PPP1R21: variants seen among roughly 807,000 people sequenced by gnomAD.
PPP1R21 encodes protein phosphatase 1 regulatory subunit 21.
A neutral mutation model predicts 112.8 loss-of-function variants in PPP1R21; 85 were observed. That is an observed-to-expected ratio of 0.75 (90% CI 0.63 to 0.90). The LOEUF is 0.90. PPP1R21 is among the 40% of genes least tolerant of loss of function. The probability of loss-of-function intolerance (pLI) is 0.00; values close to 1 mark genes in which losing one functional copy is unlikely to be tolerated. For missense variants in PPP1R21, 1,199 were observed against 901.5 expected, an observed-to-expected ratio of 1.33 and a Z score of -4.23; for synonymous variants, 381 against 322.3, an observed-to-expected ratio of 1.18 and a Z score of -1.95.
chr2:48,454,937 C>G (rs150777956), intron 3 of PPP1R21, among the ~76,000 whole-genome samples, 196 bp downstream of exon 3: 1,883 of 152,148 alleles, frequency 0.012, 31 homozygotes, highest in African/African-American at 0.041. Context: ...CTCCCAGGCT[C>G]AGTGATCCTC....
At chr2:48,491,627 G>A (rs927613673) in intron 15 of PPP1R21, among the ~76,000 whole-genome samples, 1 of 152,000 alleles carries the variant, frequency 6.6e-6, no homozygotes, top group Non-Finnish European at 1.5e-5. Context: ...CCCAAATGTA[G>A]CTATAATTGA....
intron 21 of PPP1R21, among the ~76,000 whole-genome samples, chr2:48,512,393 A>G (rs1401693993): frequency 6.8e-6 from 1 of 147,412 alleles, no homozygotes; most frequent in Non-Finnish European, 1.5e-5. Context: ...GTCCATTTTC[A>G]TAACTCAGTA....
intron 3 of PPP1R21, 180 bp from the exon 4 acceptor site, chr2:48,457,946 G>T: frequency 5.3e-6 from 3 of 570,532 alleles, no homozygotes; most frequent in East Asian, 3.9e-5. Flanking sequence ...AATATTTGCA[G>T]TTTCAACTTG....
intron 6 of PPP1R21, 145 bp downstream of exon 6, chr2:48,460,298 G>T: frequency 1.3e-6 from 1 of 754,056 alleles, no homozygotes; most frequent in Non-Finnish European, 2.1e-6. Context: ...TCAATTCTGG[G>T]ATCTCCGGGG....
chr2:48,451,784 C>G (rs1488064516), intron 2 of PPP1R21, among the ~76,000 whole-genome samples: 1 of 152,018 alleles, frequency 6.6e-6, no homozygotes, highest in African/African-American at 2.4e-5. Context: ...CTTGCTCCCT[C>G]TGCTCTCTTT....
At chr2:48,475,409 A>C (rs1248658219) in intron 12 of PPP1R21, among the ~76,000 whole-genome samples, 1 of 152,186 alleles carries the variant, frequency 6.6e-6, no homozygotes, top group Admixed American at 6.5e-5. Flanking sequence ...AGCATGCATT[A>C]AATATTAATT....
chr2:48,454,369 T>TA (rs1297944253), intron 2 of PPP1R21, among the ~76,000 whole-genome samples: 4 of 152,242 alleles, frequency 2.6e-5, no homozygotes, highest in African/African-American at 7.2e-5. Flanking sequence ...CACGATCTGT[T>TA]ACTTTAGTAT....
intron 10 of PPP1R21, 41 bp downstream of exon 10, chr2:48,471,229 C>G (rs940049858): frequency 1.2e-6 from 2 of 1,605,264 alleles, no homozygotes; most frequent in African/African-American, 2.7e-5. Flanking sequence ...ACTGGGAGCT[C>G]CTCTTTGTCC....
intron 13 of PPP1R21, among the ~76,000 whole-genome samples, chr2:48,483,099 C>T (rs1460134440): frequency 6.6e-6 from 1 of 151,770 alleles, no homozygotes; most frequent in African/African-American, 2.4e-5. Context: ...ATCCATGTAC[C>T]TGCAAAGGAC....
At chr2:48,463,556 A>C (rs1040990548) in intron 7 of PPP1R21, among the ~76,000 whole-genome samples, 1 of 152,104 alleles carries the variant, frequency 6.6e-6, no homozygotes, top group Non-Finnish European at 1.5e-5. Flanking sequence ...AAGGAAATGG[A>C]GAAGCATGAG....
In PPP1R21 at chr2:48,510,078, A is replaced by G. The variant is rs1292392158; in HGVS notation, c.2149A>G (p.Met717Val). The part of the protein sequence containing the change: ...EKSKEALTEE[M>V]KLASQNISRL... ...GTCTAAGGAAGCATTGACAGAAGAAATGAAACTTGCCAGTCAGAACATCAG... is the reference window on the plus strand; with the variant it reads ...GTCTAAGGAAGCATTGACAGAAGAAGTGAAACTTGCCAGTCAGAACATCAG... Residue 717 changes from methionine (M) to valine (V), a missense_variant, in exon 20 of 22, where the codon ATG becomes GTG. Transcript: ENST00000294952. 6.2e-7 allele frequency: 1 copy of G among 1,614,116 alleles called. No homozygotes were observed.
intron 15 of PPP1R21, among the ~76,000 whole-genome samples, chr2:48,494,131 G>C (rs1669699150): frequency 6.7e-6 from 1 of 149,282 alleles, no homozygotes. Flanking sequence ...ATGCTTGGGA[G>C]GCTGGGCTGA....
intron 1 of PPP1R21, among the ~76,000 whole-genome samples, chr2:48,441,996 C>T (rs139524479): frequency 2.8e-4 from 42 of 152,322 alleles, no homozygotes; most frequent in African/African-American, 9.9e-4. Context: ...TGTGCCTAAA[C>T]ATACACACTT....
chr2:48,468,750 G>A (rs1474017426), intron 9 of PPP1R21, among the ~76,000 whole-genome samples: 3 of 152,048 alleles, frequency 2.0e-5, no homozygotes, highest in African/African-American at 4.8e-5. Context: ...AGGAGGCAGA[G>A]GTTGCAGTGA....
rs181005714 is a variant in PPP1R21 at position 48,476,112 on chromosome 2, C to T, written c.1225+1293C>T. ...ATTTTAGCTATTGCCCTCCCATTCC[C>T]CTGTTCCACCCCTCCCTAGCCCGTA... On this transcript the variant is annotated intron_variant, in intron 12 of 21. Transcript: ENST00000294952. Among the ~76,000 whole-genome samples the T allele has an allele frequency of 8.5e-5, 13 of 152,260 alleles. No individual in the cohort carries two copies. The East Asian group carries it at 1.4e-3, about 16-fold the overall frequency.
chr2:48,479,040 G>C (rs536318146), intron 12 of PPP1R21, among the ~76,000 whole-genome samples: 111 of 152,300 alleles, frequency 7.3e-4, no homozygotes, highest in African/African-American at 2.5e-3. Flanking sequence ...TCCTTGGTCT[G>C]CCTCTTTCAG....
rs567011615 is a variant in PPP1R21 at position 48,458,938 on chromosome 2, A to G, written c.375+711A>G. 2.6e-5 allele frequency among the ~76,000 whole-genome samples: 4 copies of G among 152,030 alleles called. No individual in the cohort carries two copies. The East Asian group carries it at 7.7e-4, about 29-fold the overall frequency. On this transcript the variant is annotated intron_variant, in intron 4 of 21. Coordinates refer to ENST00000294952, the MANE Select transcript of PPP1R21 (RefSeq NM_001135629.3). ...AAACCCCTTCTCTAGTAAAAATACAAAAAATTAGCCAGGCGTGGTGGTAGA... is the reference window on the plus strand; with the variant it reads ...AAACCCCTTCTCTAGTAAAAATACAGAAAATTAGCCAGGCGTGGTGGTAGA...
Position 48,471,286 on chromosome 2 carries a change from C to T in PPP1R21, c.1007C>T (p.Thr336Ile). The T allele has an allele frequency of 6.2e-7, 1 of 1,611,580 alleles. No individual in the cohort carries two copies. The highest frequency in any genetic ancestry group is 8.5e-7 in the Non-Finnish European group (1 of 1,179,002). ...TEDTVTVLET[T>I]VKLKTFSEHL... ...ATTATTTTTCTTTTCCAGGAGACAA[C>T]TGTGAAATTGAAAACTTTTTCAGAA... The change falls in exon 11 of 22, where the codon ACT becomes ATT. Residue 336 changes from threonine (T) to isoleucine (I), a missense_variant. Physicochemically the swap from Thr to Ile is moderately conservative, Grantham distance 89. Transcript: ENST00000294952.
At chr2:48,503,690 G>T (rs1434073768) in intron 17 of PPP1R21, among the ~76,000 whole-genome samples, 1 of 152,252 alleles carries the variant, frequency 6.6e-6, no homozygotes, top group South Asian at 2.1e-4. Context: ...GCTCACGCCT[G>T]TAATCCCAGC....
Sources: allele counts gnomAD v4.1 joint callset (sites outside exome capture counted in the v4.1 genomes callset), GRCh38; gene constraint gnomAD v4.1.1; transcripts MANE v1.5; gene names NCBI Gene and HGNC (gene_info 2026-07-23, HGNC 2026-07-21).